CCDC57: variants seen among roughly 807,000 people sequenced by gnomAD.
CCDC57 encodes the protein coiled-coil domain-containing protein 57.
Under a neutral mutation model 118.9 loss-of-function variants are expected in CCDC57, and 118 were observed. The observed-to-expected ratio is 0.99, with a 90% confidence interval of 0.86 to 1.16. The LOEUF is 1.16. CCDC57 is among the 50% of genes most tolerant of loss of function. The pLI, the probability that CCDC57 is intolerant of heterozygous loss-of-function variation, is 0.00. For synonymous variants in CCDC57, 527 were observed against 532.9 expected, an observed-to-expected ratio of 0.99 and a Z score of 0.15; for missense variants, 1,300 against 1,320.7, an observed-to-expected ratio of 0.98 and a Z score of 0.24.
At chr17:82,138,147 C>G (rs1221300781) in intron 16 of CCDC57, among the ~76,000 whole-genome samples, 1 of 118,310 alleles carries the variant, frequency 8.5e-6, no homozygotes, top group Non-Finnish European at 1.7e-5. Flanking sequence ...AGGAGGATCT[C>G]TTTTTTTTTT....
chr17:82,179,728 G>A (rs188982769), intron 9 of CCDC57, among the ~76,000 whole-genome samples: 15 of 152,292 alleles, frequency 9.8e-5, no homozygotes, highest in Admixed American at 5.2e-4. Context: ...GCACAGATGA[G>A]AATGGAAGGA....
intron 2 of CCDC57, among the ~76,000 whole-genome samples, chr17:82,202,393 A>G (rs762845976): frequency 1.1e-4 from 17 of 151,840 alleles, no homozygotes; most frequent in Non-Finnish European, 1.9e-4. Context: ...GCTTGAACCC[A>G]GGAGGTAGAG....
intron 16 of CCDC57, among the ~76,000 whole-genome samples, chr17:82,142,454 A>T (rs1272991428): frequency 6.6e-6 from 1 of 152,124 alleles, no homozygotes; most frequent in East Asian, 1.9e-4. Context: ...CTGGGACTAT[A>T]GGCGCGCAAC....
chr17:82,126,285 G>GAAAAA, intron 19 of CCDC57: 1 of 565,942 alleles, frequency 1.8e-6, no homozygotes, highest in Non-Finnish European at 2.2e-6. Flanking sequence ...CATCTCAAAG[G>GAAAAA]AAAAAAAAAA....
Position 82,132,118 on chromosome 17 carries a change from C to CAA in CCDC57, c.2577+1953_2577+1954dup, listed in dbSNP as rs58856013. Reference sequence around the variant, plus strand: ...TGGGTGACAGAGCGAGACTCTGTCTCAAAAAAAAAAAAAAAAAAAAGAATA... The same window carrying CAA: ...TGGGTGACAGAGCGAGACTCTGTCTCAAAAAAAAAAAAAAAAAAAAAAGAATA... On this transcript the variant is annotated intron_variant, in intron 17 of 19. Coordinates refer to ENST00000665763, the Ensembl canonical transcript of CCDC57. Among the ~76,000 whole-genome samples, 213 of 101,836 alleles carry CAA rather than the reference C, an allele frequency of 2.1e-3. 1 individual carries two copies. Among genetic ancestry groups the CAA allele is most frequent in the African/African-American group, 7.3e-3 (201 of 27,426 alleles). The allele number at this position is 101,836 out of a possible 152,430, so 66.8% of individuals were successfully genotyped here.
chr17:82,206,916 G>A (rs116317819), intron 2 of CCDC57, among the ~76,000 whole-genome samples: 2,146 of 152,262 alleles, frequency 0.014, 48 homozygotes, highest in African/African-American at 0.046. Context: ...GGTGTAGGCC[G>A]AACTAAGTTT....
chr17:82,183,123 G>T (rs555513625), intron 9 of CCDC57, among the ~76,000 whole-genome samples: 1 of 152,176 alleles, frequency 6.6e-6, no homozygotes, highest in Non-Finnish European at 1.5e-5. Flanking sequence ...TTAGATTTGG[G>T]GGGGGACATA....
intron 18 of CCDC57, among the ~76,000 whole-genome samples, chr17:82,128,149 C>G (rs1436083517): frequency 1.3e-5 from 2 of 152,144 alleles, no homozygotes; most frequent in African/African-American, 4.8e-5. Flanking sequence ...CTCGTCTCAA[C>G]ACTTAAATGA....
chr17:82,206,172 C>G (rs567849040), intron 2 of CCDC57, among the ~76,000 whole-genome samples: 1 of 152,382 alleles, frequency 6.6e-6, no homozygotes. Context: ...GCTCCCTGAA[C>G]CAGCCAGCTC....
At chr17:82,169,885 A>G (rs554144192) in intron 13 of CCDC57, among the ~76,000 whole-genome samples, 27 of 152,318 alleles carry the variant, frequency 1.8e-4, no homozygotes, top group Non-Finnish European at 3.7e-4. Flanking sequence ...CACCAAAGAC[A>G]CCAGTGAAGG....
intron 19 of CCDC57, among the ~76,000 whole-genome samples, chr17:82,102,523 T>G (rs1266611094): frequency 6.6e-6 from 1 of 152,208 alleles, no homozygotes; most frequent in Non-Finnish European, 1.5e-5. Flanking sequence ...TTTTCTCTAT[T>G]TTTCATTTTT....
At chr17:82,148,797 AGATGGATGGATGGGTG>A (rs2041363945) in intron 16 of CCDC57, among the ~76,000 whole-genome samples, 5 of 13,386 alleles carry the variant, frequency 3.7e-4, no homozygotes, top group African/African-American at 6.4e-4. Context: ...GATAGATGGT[AGATGGATGGATGGGTG>A]GGTGGGTGGA....
At chr17:82,173,798 CG>C (rs2045090656) in intron 11 of CCDC57, among the ~76,000 whole-genome samples, 1 of 148,366 alleles carries the variant, frequency 6.7e-6, no homozygotes, top group Admixed American at 6.9e-5. Flanking sequence ...GCCACCAAGG[CG>C]GGAGGACAAC....
intron 19 of CCDC57, among the ~76,000 whole-genome samples, chr17:82,108,538 A>C (rs1373272305): frequency 6.6e-6 from 1 of 152,180 alleles, no homozygotes; most frequent in Non-Finnish European, 1.5e-5. Flanking sequence ...AGGGAAATAC[A>C]CAGGGTAGTG....
chr17:82,134,924 T>C (rs1046928013), intron 16 of CCDC57, among the ~76,000 whole-genome samples: 3 of 152,230 alleles, frequency 2.0e-5, no homozygotes, highest in Non-Finnish European at 4.4e-5. Context: ...ATCAATTCCA[T>C]TCATGTTATG....
chr17:82,151,456 C>T, intron 16 of CCDC57, 104 bp downstream of exon 15: 1 of 1,041,662 alleles, frequency 9.6e-7, no homozygotes, highest in South Asian at 1.6e-5. Flanking sequence ...CTGGTGCACC[C>T]CCAGAATCTG....
At chr17:82,187,537 T>TG (rs2047081270) in intron 8 of CCDC57, among the ~76,000 whole-genome samples, 1 of 52,288 alleles carries the variant, frequency 1.9e-5, no homozygotes, top group Non-Finnish European at 3.4e-5. Flanking sequence ...CTGGTGGGGC[T>TG]CGGGGGGAGC....
intron 4 of CCDC57, 82 bp from the exon 4 acceptor site, chr17:82,195,446 G>C (rs1048074306): frequency 2.9e-6 from 3 of 1,041,448 alleles, no homozygotes; most frequent in Non-Finnish European, 4.4e-6. Context: ...GTGGGATCCA[G>C]AGGTGAGCAG....
At chr17:82,128,582 C>T (rs371215538) in exon 18 of CCDC57, 33 of 1,566,426 alleles carry the variant, frequency 2.1e-5, no homozygotes, top group Middle Eastern at 1.8e-4. Flanking sequence ...GCCTCATCCT[C>T]GGCACTCTTG....
Sources: gnomAD v4.1 joint callset for allele counts (sites outside exome capture counted in the v4.1 genomes callset) on GRCh38, gnomAD v4.1.1 for gene constraint, MANE v1.5 for transcripts, NCBI Gene and HGNC (gene_info 2026-07-23, HGNC 2026-07-21) for gene names.